The following TRPM3 variants were observed in gnomAD, a reference collection of about 807,000 sequenced individuals.
The protein encoded by TRPM3 is transient receptor potential cation channel subfamily M member 3, also known as long transient receptor potential channel 3.
TRPM3 carries 77 observed loss-of-function variants against 181.2 expected under a neutral mutation model. The observed-to-expected ratio is 0.42, with a 90% CI of 0.35 to 0.51. The LOEUF is 0.51. Among genes scored for constraint, TRPM3 ranks in the 20% least tolerant of loss-of-function variants. The pLI is 0.01. For synonymous variants in TRPM3, 745 were observed against 796.4 expected (o/e 0.94, Z 1.09); for missense variants, 1,759 against 2,196.7 (o/e 0.80, Z 3.98).
At chr9:71,259,595 G>A (rs1023112711) in intron 1 of TRPM3, among the ~76,000 whole-genome samples, 4 of 152,128 alleles carry the variant, frequency 2.6e-5, no homozygotes, top group African/African-American at 9.7e-5. Context: ...TAACTGGTGT[G>A]AGGTGGTATC....
chr9:71,420,797 A>AAGAGAGAGAG (rs1267946876), intron 1 of TRPM3, among the ~76,000 whole-genome samples: 1 of 7,118 alleles, frequency 1.4e-4, no homozygotes, highest in African/African-American at 5.8e-4. Flanking sequence ...AAGAGAGAGA[A>AAGAGAGAGAG]AGAAAGAGAG....
chr9:71,145,235 A>T (rs2075340423), intron 1 of TRPM3, among the ~76,000 whole-genome samples: 1 of 152,160 alleles, frequency 6.6e-6, no homozygotes. Context: ...TATACATGCT[A>T]CCTTAAATAC....
chr9:71,047,385 T>C (rs1408213709), intron 1 of TRPM3, among the ~76,000 whole-genome samples: 2 of 152,218 alleles, frequency 1.3e-5, no homozygotes, highest in Non-Finnish European at 2.9e-5. Context: ...CTAGCCTGAA[T>C]TTATCATCAG....
chr9:70,746,318 G>C (rs1310374557), intron 8 of TRPM3, among the ~76,000 whole-genome samples: 4 of 151,968 alleles, frequency 2.6e-5, no homozygotes, highest in African/African-American at 9.7e-5. Flanking sequence ...AATCATGCTT[G>C]CTTGGTTTTT....
intron 9 of TRPM3, among the ~76,000 whole-genome samples, chr9:70,653,311 T>C (rs571097525): frequency 6.6e-6 from 1 of 152,004 alleles, no homozygotes; most frequent in African/African-American, 2.4e-5. Flanking sequence ...AATGGAGACA[T>C]GGAGAGAATA....
At chr9:71,041,321 T>G (rs1372950752) in intron 1 of TRPM3, among the ~76,000 whole-genome samples, 1 of 152,134 alleles carries the variant, frequency 6.6e-6, no homozygotes, top group Non-Finnish European at 1.5e-5. Flanking sequence ...TATAATATTT[T>G]GCAAGTATTT....
chr9:71,273,661 G>A (rs1292613873), intron 1 of TRPM3, among the ~76,000 whole-genome samples: 1 of 152,140 alleles, frequency 6.6e-6, no homozygotes, highest in African/African-American at 2.4e-5. Context: ...TCCCCAAAGC[G>A]CCAATTACAC....
intron 1 of TRPM3, among the ~76,000 whole-genome samples, chr9:71,281,046 C>A (rs2084666421): frequency 6.6e-6 from 1 of 152,194 alleles, no homozygotes; most frequent in Admixed American, 6.5e-5. Context: ...GTGTCCCCAG[C>A]ACCTGGAAAG....
chr9:71,252,847 C>CTTTTTT (rs11417438), intron 1 of TRPM3, among the ~76,000 whole-genome samples: 12 of 84,760 alleles, frequency 1.4e-4, no homozygotes, highest in East Asian at 7.0e-4. Flanking sequence ...AATTTTGTCT[C>CTTTTTT]TTTTTTTTTT....
At chr9:70,637,913 A>G (rs914918229) in intron 11 of TRPM3, among the ~76,000 whole-genome samples, 1 of 152,132 alleles carries the variant, frequency 6.6e-6, no homozygotes. Flanking sequence ...TTAATTTCCA[A>G]TGTACTAGTA....
intron 1 of TRPM3, among the ~76,000 whole-genome samples, chr9:71,086,121 C>T (rs187947667): frequency 6.6e-6 from 1 of 152,060 alleles, no homozygotes. Context: ...ACTGCATGTT[C>T]TCACTCGTAA....
intron 1 of TRPM3, among the ~76,000 whole-genome samples, chr9:71,058,182 C>A (rs2060886123): frequency 6.6e-6 from 1 of 152,042 alleles, no homozygotes; most frequent in Non-Finnish European, 1.5e-5. Context: ...AGTTGTGCAG[C>A]CACATGGAAG....
chr9:71,208,032 C>A (rs998095851), intron 1 of TRPM3, among the ~76,000 whole-genome samples: 1 of 152,116 alleles, frequency 6.6e-6, no homozygotes, highest in African/African-American at 2.4e-5. Flanking sequence ...AAGGAGCTGA[C>A]AGAGTAGGGC....
chr9:71,404,107 C>T (rs112300345), intron 1 of TRPM3, among the ~76,000 whole-genome samples: 3,658 of 152,214 alleles, frequency 0.024, 65 homozygotes, highest in South Asian at 0.068. Context: ...AGTCACTCAG[C>T]GCCTGGCCAT....
intron 7 of TRPM3, among the ~76,000 whole-genome samples, chr9:70,766,124 C>T (rs2079066453): frequency 6.6e-6 from 1 of 152,052 alleles, no homozygotes; most frequent in Admixed American, 6.6e-5. Context: ...GCATTTGTGT[C>T]TCCATTTAAA....
intron 1 of TRPM3, among the ~76,000 whole-genome samples, chr9:71,404,219 A>G (rs528994759): frequency 1.3e-5 from 2 of 152,358 alleles, no homozygotes; most frequent in East Asian, 1.9e-4. Context: ...TAGCAGCTCA[A>G]TAATACTAGT....
intron 1 of TRPM3, among the ~76,000 whole-genome samples, chr9:71,433,948 G>A (rs1360877113): frequency 2.0e-5 from 3 of 152,116 alleles, no homozygotes; most frequent in African/African-American, 2.4e-5. Context: ...ATGAGGTCAG[G>A]AGTTCAAGGC....
intron 1 of TRPM3, among the ~76,000 whole-genome samples, chr9:70,943,605 C>T (rs1216823435): frequency 1.3e-5 from 2 of 152,170 alleles, no homozygotes; most frequent in Non-Finnish European, 2.9e-5. Context: ...ACATAGGTCA[C>T]AGTTATTAAG....
rs906087724 is a variant in TRPM3 at position 70,912,062 on chromosome 9, A to C, written c.178-47551T>G. On this transcript the variant is annotated intron_variant, in intron 1 of 25. Coordinates refer to ENST00000677713, the MANE Select transcript of TRPM3 (RefSeq NM_001366145.2). ...TGTCTAAAGAAAGAAAAGAGTAACT[A>C]TGGGTCAAAATAATCAGTGTGGATT... Among the ~76,000 whole-genome samples the C allele has an allele frequency of 3.9e-5, 6 of 152,304 alleles. No homozygotes were observed. The East Asian group carries it at 9.6e-4, about 24-fold the overall frequency.
Sources: gnomAD v4.1 joint callset for allele counts (sites outside exome capture counted in the v4.1 genomes callset) on GRCh38, gnomAD v4.1.1 for gene constraint, MANE v1.5 for transcripts, NCBI Gene and HGNC (gene_info 2026-07-23, HGNC 2026-07-21) for gene names.